Variants in KCNT2 observed in about 807,000 individuals in gnomAD.
KCNT2 encodes potassium channel subfamily T member 2.
In KCNT2, 67 loss-of-function variants were observed where a neutral mutation model predicts 153.8. The observed-to-expected ratio is 0.44, with a 90% CI of 0.36 to 0.53. The LOEUF is 0.53. Among genes scored for constraint, KCNT2 ranks in the 20% least tolerant of loss-of-function variants. The pLI, the probability that KCNT2 is intolerant of heterozygous loss-of-function variation, is 0.00. For missense variants in KCNT2, 975 were observed against 1,354.8 expected, an observed-to-expected ratio of 0.72 and a Z score of 4.40; for synonymous variants, 500 against 458.8, an observed-to-expected ratio of 1.09 and a Z score of -1.15.
chr1:196,412,385 C>T (rs892480303), intron 12 of KCNT2, among the ~76,000 whole-genome samples: 5 of 151,580 alleles, frequency 3.3e-5, no homozygotes, highest in African/African-American at 1.2e-4. Flanking sequence ...GTACAGAATA[C>T]TCAATAAATA....
intron 1 of KCNT2, among the ~76,000 whole-genome samples, chr1:196,524,913 A>T (rs1653973954): frequency 1.3e-5 from 2 of 152,168 alleles, no homozygotes; most frequent in East Asian, 3.8e-4. Flanking sequence ...TTTGACTTTT[A>T]TAAATACAAT....
intron 25 of KCNT2, among the ~76,000 whole-genome samples, chr1:196,274,786 C>T (rs1658399960): frequency 6.6e-6 from 1 of 151,738 alleles, no homozygotes; most frequent in South Asian, 2.1e-4. Context: ...AGATGTTTTT[C>T]TGGTTCCTAG....
Position 196,228,208 on chromosome 1 carries a change from T to C in KCNT2, c.*16A>G, listed in dbSNP as rs768762105. 1.3e-6 allele frequency: 2 copies of C among 1,521,966 alleles called. No individual in the cohort carries two copies. Among genetic ancestry groups the C allele is most frequent in the Non-Finnish European group, 1.8e-6 (2 of 1,101,484 alleles). The allele number at this position is 1,521,966 out of a possible 1,614,324, so 94.3% of individuals were successfully genotyped here. Reference sequence around the variant, plus strand: ...GCAAGGTCTTTGTAGGAAAAAAGTTTCTCATTTTATTTTTATCAAAGTTGA... The same window carrying C: ...GCAAGGTCTTTGTAGGAAAAAAGTTCCTCATTTTATTTTTATCAAAGTTGA... On this transcript the variant is annotated 3_prime_UTR_variant, in exon 28 of 28. Transcript: ENST00000294725.
At chr1:196,261,851 T>A (rs533326621) in intron 25 of KCNT2, among the ~76,000 whole-genome samples, 3 of 151,862 alleles carry the variant, frequency 2.0e-5, no homozygotes, top group African/African-American at 7.2e-5. Context: ...AATCAAAATT[T>A]AATACTAATG....
intron 1 of KCNT2, among the ~76,000 whole-genome samples, chr1:196,526,231 T>C (rs542161929): frequency 6.6e-6 from 1 of 151,956 alleles, no homozygotes; most frequent in South Asian, 2.1e-4. Context: ...AAAATGTTCA[T>C]GTATAATTTA....
intron 25 of KCNT2, among the ~76,000 whole-genome samples, chr1:196,258,993 G>A (rs1031702113): frequency 3.3e-5 from 5 of 152,004 alleles, no homozygotes; most frequent in East Asian, 1.9e-4. Context: ...TGGCATGAAC[G>A]TTATAATATG....
intron 26 of KCNT2, among the ~76,000 whole-genome samples, chr1:196,255,916 G>A (rs183527672): frequency 6.5e-4 from 99 of 151,898 alleles, no homozygotes; most frequent in African/African-American, 2.2e-3. Context: ...AATTTTAATA[G>A]TGCTATACAG....
At position 196,469,079 on chromosome 1, in the gene KCNT2, A is replaced by C; in HGVS notation, c.385-11T>G. 6.4e-7 allele frequency: 1 copy of C among 1,557,314 alleles called. No individual in the cohort carries two copies. On this transcript the variant is annotated splice_polypyrimidine_tract_variant and intron_variant, in intron 5 of 27. Coordinates refer to ENST00000294725, the MANE Select transcript of KCNT2 (RefSeq NM_198503.5). ...TTCCCAGATGTTTCCCTTCCAAGAA[A>C]GAATGAATAAAAACGAAAGTCAATT...
intron 8 of KCNT2, among the ~76,000 whole-genome samples, chr1:196,449,136 T>C (rs1248765208): frequency 1.3e-5 from 2 of 151,634 alleles, no homozygotes; most frequent in Admixed American, 6.6e-5. Flanking sequence ...ATATTTGGCT[T>C]GTAGAAAAGA....
At chr1:196,586,741 A>G (rs1229547164) in intron 1 of KCNT2, among the ~76,000 whole-genome samples, 2 of 152,034 alleles carry the variant, frequency 1.3e-5, no homozygotes, top group Non-Finnish European at 2.9e-5. Flanking sequence ...CAACAACTGT[A>G]AGTAGTACAA....
At chr1:196,316,082 T>C in intron 20 of KCNT2, 56 bp from the exon 21 acceptor site, 1 of 1,541,824 alleles carries the variant, frequency 6.5e-7, no homozygotes, top group Non-Finnish European at 8.9e-7. Context: ...AATGTTATAA[T>C]CAGTGCTAAA....
chr1:196,277,613 CA>C (rs2147855771), intron 25 of KCNT2, among the ~76,000 whole-genome samples: 1 of 152,132 alleles, frequency 6.6e-6, no homozygotes, highest in South Asian at 2.1e-4. Flanking sequence ...GCAACCTAAG[CA>C]AAAATATAGA....
intron 19 of KCNT2, among the ~76,000 whole-genome samples, chr1:196,321,880 G>A (rs531530934): frequency 3.9e-5 from 6 of 151,982 alleles, no homozygotes; most frequent in African/African-American, 1.2e-4. Flanking sequence ...ATTGTCAACA[G>A]TGTTCATGGC....
At chr1:196,510,660 T>C (rs1018361448) in intron 1 of KCNT2, among the ~76,000 whole-genome samples, 8 of 152,238 alleles carry the variant, frequency 5.3e-5, no homozygotes, top group African/African-American at 1.7e-4. Context: ...TTAAGTATCA[T>C]AGAAGTGGGT....
intron 7 of KCNT2, among the ~76,000 whole-genome samples, chr1:196,466,451 T>C (rs1289570072): frequency 2.0e-5 from 3 of 152,032 alleles, no homozygotes; most frequent in Non-Finnish European, 2.9e-5. Context: ...ACTAAAACGT[T>C]ATCCAAATAT....
intron 25 of KCNT2, among the ~76,000 whole-genome samples, chr1:196,268,587 T>C (rs1027765642): frequency 2.0e-5 from 3 of 152,104 alleles, no homozygotes; most frequent in Non-Finnish European, 4.4e-5. Context: ...AGTTTTGATG[T>C]TTGACTGCTG....
intron 1 of KCNT2, among the ~76,000 whole-genome samples, chr1:196,510,360 A>G (rs1177280352): frequency 1.3e-5 from 2 of 152,148 alleles, no homozygotes; most frequent in African/African-American, 2.4e-5. Context: ...CATTTGCCCA[A>G]AGTTGTACAA....
chr1:196,317,226 T>G (rs1168814778), intron 20 of KCNT2: 1 of 451,652 alleles, frequency 2.2e-6, no homozygotes, highest in Non-Finnish European at 4.5e-6. Flanking sequence ...ATATTTCGCT[T>G]GAATCAGGAA....
At chr1:196,342,742 T>C (rs548076372) in intron 14 of KCNT2, among the ~76,000 whole-genome samples, 2 of 152,166 alleles carry the variant, frequency 1.3e-5, no homozygotes, top group South Asian at 4.1e-4. Context: ...ATAGAAAATA[T>C]ACCTTTAGTT....
Sources: gnomAD v4.1 joint callset for allele counts (sites outside exome capture counted in the v4.1 genomes callset) on GRCh38, gnomAD v4.1.1 for gene constraint, MANE v1.5 for transcripts, NCBI Gene and HGNC (gene_info 2026-07-23, HGNC 2026-07-21) for gene names.